PDGFD: variants seen among roughly 807,000 people sequenced by gnomAD.
The protein encoded by PDGFD is platelet-derived growth factor D.
Under a neutral mutation model 44.7 loss-of-function variants are expected in PDGFD, and 30 were observed. The observed-to-expected ratio is 0.67, with a 90% CI of 0.50 to 0.91. The LOEUF (loss-of-function observed/expected upper bound fraction) is 0.91. PDGFD is among the 40% of genes least tolerant of loss of function. The pLI, the probability that PDGFD is intolerant of heterozygous loss-of-function variation, is 0.00. For missense variants in PDGFD, 445 were observed against 457.8 expected, an observed-to-expected ratio of 0.97 and a Z score of 0.25; for synonymous variants, 173 against 168.4, an observed-to-expected ratio of 1.03 and a Z score of -0.21.
intron 1 of PDGFD, among the ~76,000 whole-genome samples, chr11:104,005,383 AC>A (rs1380784699): frequency 6.6e-6 from 1 of 152,202 alleles, no homozygotes; most frequent in Non-Finnish European, 1.5e-5. Context: ...ATTCTTTGCT[AC>A]GGGTAATTGT....
chr11:104,129,981 C>T (rs1013747029), intron 1 of PDGFD, among the ~76,000 whole-genome samples: 2 of 141,724 alleles, frequency 1.4e-5, no homozygotes, highest in Non-Finnish European at 3.0e-5. Context: ...TGCACTCCAA[C>T]CTGGGCAACA....
At chr11:104,132,873 A>G (rs1057327359) in intron 1 of PDGFD, among the ~76,000 whole-genome samples, 2 of 152,152 alleles carry the variant, frequency 1.3e-5, no homozygotes, top group Non-Finnish European at 2.9e-5. Flanking sequence ...ACTGCAAAAT[A>G]TATTGTGCAG....
chr11:104,128,300 G>A lies in PDGFD; in HGVS notation c.124+35504C>T, dbSNP rs142887779. On this transcript the variant is annotated intron_variant, in intron 1 of 6. Transcript: ENST00000393158. ...AAAATGAAAGATTAAAAGCTGGTGT[G>A]CATAAAAATTGATTAATCTATCAAA... 7.3e-3 allele frequency among the ~76,000 whole-genome samples: 1,110 copies of A among 152,222 alleles called. 7 individuals carry two copies. Among genetic ancestry groups the A allele is most frequent in the African/African-American group, 0.024 (995 of 41,538 alleles).
At chr11:104,139,873 TAAAAAAAAAAA>T (rs1193661913) in intron 1 of PDGFD, among the ~76,000 whole-genome samples, 1 of 19,856 alleles carries the variant, frequency 5.0e-5, no homozygotes, top group Non-Finnish European at 8.4e-5. Context: ...CCGTCTCTAC[TAAAAAAAAAAA>T]AAAAAAAAAA....
At chr11:104,097,542 G>A (rs751343393) in intron 1 of PDGFD, among the ~76,000 whole-genome samples, 11 of 152,146 alleles carry the variant, frequency 7.2e-5, no homozygotes, top group African/African-American at 2.2e-4. Flanking sequence ...GAGGTGCTCC[G>A]TAAGTGGTTA....
At chr11:103,981,405 T>G (rs1859270894) in intron 3 of PDGFD, among the ~76,000 whole-genome samples, 1 of 151,726 alleles carries the variant, frequency 6.6e-6, no homozygotes, top group South Asian at 2.1e-4. Flanking sequence ...TACTCATTTA[T>G]AGCAATAGAA....
chr11:104,107,340 C>T lies in PDGFD; in HGVS notation c.124+56464G>A, dbSNP rs1591167034. Among the ~76,000 whole-genome samples the T allele has an allele frequency of 5.3e-5, 8 of 152,176 alleles. No homozygotes were observed. The South Asian group carries it at 1.7e-3, about 32-fold the overall frequency. ...TTATACGGCACGCGATGCTGGATGA[C>T]CTCTGAGAGCTGAGGACCTCATCCT... On this transcript the variant is annotated intron_variant, in intron 1 of 6. Coordinates refer to ENST00000393158, the MANE Select transcript of PDGFD (RefSeq NM_025208.5).
At chr11:104,096,746 G>A (rs1314072220) in intron 1 of PDGFD, among the ~76,000 whole-genome samples, 2 of 152,086 alleles carry the variant, frequency 1.3e-5, no homozygotes, top group African/African-American at 4.8e-5. Flanking sequence ...TTGTAACTAG[G>A]CACACAACTG....
At chr11:103,956,218 C>T (rs1858844152) in intron 3 of PDGFD, among the ~76,000 whole-genome samples, 1 of 151,370 alleles carries the variant, frequency 6.6e-6, no homozygotes, top group African/African-American at 2.4e-5. Flanking sequence ...CCCTCTCCCC[C>T]CACCCCACAA....
chr11:103,926,381 T>C (rs1858314968), intron 6 of PDGFD, among the ~76,000 whole-genome samples: 1 of 152,222 alleles, frequency 6.6e-6, no homozygotes, highest in African/African-American at 2.4e-5. Flanking sequence ...ATCCAAGAGC[T>C]GATTCCCTGA....
intron 1 of PDGFD, among the ~76,000 whole-genome samples, chr11:104,162,461 AAAAT>A (rs552284533): frequency 1.3e-5 from 2 of 152,154 alleles, no homozygotes; most frequent in Admixed American, 6.5e-5. Context: ...GTGTAGTAAA[AAAAT>A]AAATAAATAA....
At chr11:104,161,472 C>T (rs542062573) in intron 1 of PDGFD, among the ~76,000 whole-genome samples, 1 of 152,276 alleles carries the variant, frequency 6.6e-6, no homozygotes, top group African/African-American at 2.4e-5. Context: ...CAAGTGTTGT[C>T]TAGAATTTTT....
At chr11:104,031,507 G>A (rs1285565922) in intron 1 of PDGFD, among the ~76,000 whole-genome samples, 1 of 152,208 alleles carries the variant, frequency 6.6e-6, no homozygotes, top group Non-Finnish European at 1.5e-5. Flanking sequence ...ATGCTGGTGA[G>A]GTTGTTGAGA....
intron 3 of PDGFD, among the ~76,000 whole-genome samples, chr11:103,967,669 A>G (rs1298187387): frequency 6.6e-6 from 1 of 152,128 alleles, no homozygotes; most frequent in African/African-American, 2.4e-5. Flanking sequence ...CTTCTCTAGA[A>G]CAATCAAGTC....
chr11:104,027,643 T>A (rs1249737813), intron 1 of PDGFD, among the ~76,000 whole-genome samples: 2 of 152,246 alleles, frequency 1.3e-5, no homozygotes, highest in Non-Finnish European at 2.9e-5. Flanking sequence ...CAACAGGCTT[T>A]CTACGTCACT....
chr11:104,125,090 G>C (rs188660639), intron 1 of PDGFD, among the ~76,000 whole-genome samples: 1 of 152,016 alleles, frequency 6.6e-6, no homozygotes, highest in African/African-American at 2.4e-5. Context: ...AGGAATAGCC[G>C]ACACTTAGTA....
intron 3 of PDGFD, among the ~76,000 whole-genome samples, chr11:103,994,318 C>G (rs1308997668): frequency 1.3e-5 from 2 of 152,166 alleles, no homozygotes; most frequent in African/African-American, 4.8e-5. Flanking sequence ...CTGCTCCATC[C>G]ATGAATAATT....
chr11:103,995,669 T>C (rs1039316699), intron 3 of PDGFD, among the ~76,000 whole-genome samples: 15 of 152,244 alleles, frequency 9.9e-5, no homozygotes, highest in African/African-American at 2.9e-4. Context: ...ATAGAACTTA[T>C]ACACAAATTT....
chr11:104,067,383 G>A (rs554647626), intron 1 of PDGFD, among the ~76,000 whole-genome samples: 30 of 152,120 alleles, frequency 2.0e-4, no homozygotes, highest in Non-Finnish European at 3.4e-4. Flanking sequence ...AAAATATACC[G>A]AACAATTTTT....
Sources: allele counts gnomAD v4.1 joint callset (sites outside exome capture counted in the v4.1 genomes callset), GRCh38; gene constraint gnomAD v4.1.1; transcripts MANE v1.5; gene names NCBI Gene and HGNC (gene_info 2026-07-23, HGNC 2026-07-21).